The following TASP1 variants were observed in gnomAD, a reference collection of about 807,000 sequenced individuals.
TASP1 encodes threonine aspartase 1.
A neutral mutation model predicts 56.6 loss-of-function variants in TASP1; 16 were observed. That is an observed-to-expected ratio of 0.28 (90% CI 0.19 to 0.43). TASP1 has a LOEUF of 0.43. Among genes scored for constraint, TASP1 ranks in the 20% least tolerant of loss-of-function variants. TASP1 has a pLI of 1.00. For synonymous variants in TASP1, 179 were observed against 184.2 expected, an observed-to-expected ratio of 0.97 and a Z score of 0.23; for missense variants, 393 against 511.6, an observed-to-expected ratio of 0.77 and a Z score of 2.24.
chr20:13,471,750 G>A (rs951436150), intron 11 of TASP1, among the ~76,000 whole-genome samples: 9 of 152,184 alleles, frequency 5.9e-5, no homozygotes, highest in South Asian at 2.1e-4. Flanking sequence ...AGCTCCCAGC[G>A]TGATCTATGC....
intron 3 of TASP1, 146 bp downstream of exon 3, chr20:13,625,039 G>A (rs755528852): frequency 2.3e-4 from 115 of 510,616 alleles, no homozygotes; most frequent in Non-Finnish European, 3.5e-4. Flanking sequence ...AACACAAAAC[G>A]ATCCCCTACA....
In TASP1 at chr20:13,588,250, A is replaced by AAGG. The variant is rs2047381095; in HGVS notation, c.283-881_283-880insCCT. Among the ~76,000 whole-genome samples the AAGG allele has an allele frequency of 1.9e-3, 180 of 96,674 alleles. 2 individuals are homozygous for AAGG. Among genetic ancestry groups the AAGG allele is most frequent in the African/African-American group, 6.7e-3 (162 of 24,066 alleles). 63.4% of individuals were successfully genotyped at this position (96,674 alleles called of 152,430 possible). ...AAAAAGGAGAAAGAAAGAAAGGAAGAAAGGAAGGAAGGAAGGAAGGAAGGA... is the reference window on the plus strand; with the variant it reads ...AAAAAGGAGAAAGAAAGAAAGGAAGAAGGAAGGAAGGAAGGAAGGAAGGAAGGA... On this transcript the variant is annotated intron_variant, in intron 4 of 13. Transcript: ENST00000337743.
chr20:13,349,249 A>G, the TASP1 span, among the ~76,000 whole-genome samples: 1 of 152,216 alleles, frequency 6.6e-6, no homozygotes, highest in Non-Finnish European at 1.5e-5. Context: ...CCTCCGGACC[A>G]CAGAGATATC....
the TASP1 span, among the ~76,000 whole-genome samples, chr20:13,348,888 G>A: frequency 1.3e-5 from 2 of 152,160 alleles, no homozygotes; most frequent in South Asian, 2.1e-4. Context: ...CCAATCAAGC[G>A]TATCATAGAA....
chr20:13,401,959 T>C (rs902533735), intron 13 of TASP1, among the ~76,000 whole-genome samples: 12 of 152,334 alleles, frequency 7.9e-5, no homozygotes, highest in African/African-American at 2.4e-4. Context: ...TATGTGGAGA[T>C]AGAGAAATTA....
At chr20:13,205,531 C>A in the TASP1 span, among the ~76,000 whole-genome samples, 2 of 152,048 alleles carry the variant, frequency 1.3e-5, no homozygotes, top group African/African-American at 4.8e-5. Context: ...TGTGGGCCCA[C>A]TTCGTGGTTT....
rs59049150 is a variant in TASP1, at chr20:13,569,369, G to A, written c.568+138C>T. 1.8e-4 allele frequency: 106 copies of A among 576,154 alleles called. No individual in the cohort carries two copies. The East Asian group carries it at 2.7e-3, about 15-fold the overall frequency. 35.7% of individuals were successfully genotyped at this position (576,154 alleles called of 1,614,324 possible). A position where few individuals can be genotyped will look rare whatever the true frequency, so the allele number is the denominator to read the frequency against. On this transcript the variant is annotated intron_variant, in intron 7 of 13. Coordinates refer to ENST00000337743, the MANE Select transcript of TASP1 (RefSeq NM_017714.3). ...GGTTTAAAATGAAATAACTTTCTAC[G>A]TAGCTTTTAACTACAAATCTTTCAA...
At chr20:13,215,795 G>A in the TASP1 span, among the ~76,000 whole-genome samples, 1 of 152,208 alleles carries the variant, frequency 6.6e-6, no homozygotes, top group Non-Finnish European at 1.5e-5. Flanking sequence ...AGTCTTCATA[G>A]GTTTTGTGTG....
chr20:13,376,312 C>T, the TASP1 span, among the ~76,000 whole-genome samples: 1 of 152,208 alleles, frequency 6.6e-6, no homozygotes, highest in Non-Finnish European at 1.5e-5. Flanking sequence ...GTTTTCCCAA[C>T]ACCATTTATT....
At chr20:13,487,866 ATCT>A (rs1459695493) in intron 10 of TASP1, among the ~76,000 whole-genome samples, 1 of 152,156 alleles carries the variant, frequency 6.6e-6, no homozygotes, top group Non-Finnish European at 1.5e-5. Context: ...TTTCTATAAA[ATCT>A]TCTTAATGTT....
the TASP1 span, among the ~76,000 whole-genome samples, chr20:13,134,409 T>A: frequency 1.3e-5 from 2 of 152,130 alleles, no homozygotes; most frequent in Non-Finnish European, 2.9e-5. Flanking sequence ...TATGATAGAG[T>A]CACTGATGTT....
intron 1 of TASP1, among the ~76,000 whole-genome samples, chr20:13,637,501 C>T (rs2049351523): frequency 6.6e-6 from 1 of 152,142 alleles, no homozygotes; most frequent in African/African-American, 2.4e-5. Flanking sequence ...TGTCCATCGA[C>T]CGATGATGGT....
the TASP1 span, chr20:13,167,997 C>G: frequency 6.6e-6 from 1 of 152,182 alleles, no homozygotes; most frequent in Non-Finnish European, 1.5e-5. Flanking sequence ...AGTCAACCTT[C>G]TCTTCTCATT....
the TASP1 span, among the ~76,000 whole-genome samples, chr20:13,192,398 A>G: frequency 2.6e-5 from 4 of 152,140 alleles, no homozygotes; most frequent in African/African-American, 9.7e-5. Flanking sequence ...ACATTAGCCC[A>G]GTACGGTGGC....
At chr20:13,156,005 T>C in the TASP1 span, among the ~76,000 whole-genome samples, 5 of 152,114 alleles carry the variant, frequency 3.3e-5, no homozygotes, top group African/African-American at 9.7e-5. Flanking sequence ...ACAACAGTGA[T>C]TGAAAGTAGC....
chr20:13,535,638 A>G (rs2045389191), intron 8 of TASP1, among the ~76,000 whole-genome samples: 1 of 152,170 alleles, frequency 6.6e-6, no homozygotes, highest in South Asian at 2.1e-4. Flanking sequence ...TGAACTCCCT[A>G]AGGAAAGGTT....
At chr20:13,269,528 C>T in the TASP1 span, among the ~76,000 whole-genome samples, 55 of 152,324 alleles carry the variant, frequency 3.6e-4, no homozygotes, top group Admixed American at 3.1e-3. Flanking sequence ...ACAACAGCTT[C>T]GCTGGCCATT....
At chr20:13,392,658 C>A in intron 13 of TASP1, 2 of 444,470 alleles carry the variant, frequency 4.5e-6, no homozygotes, top group South Asian at 3.9e-5. Flanking sequence ...TCTTCTCATG[C>A]AGTGCTAGCC....
chr20:13,457,057 T>C (rs911079922), intron 11 of TASP1, among the ~76,000 whole-genome samples: 3 of 151,244 alleles, frequency 2.0e-5, no homozygotes, highest in African/African-American at 7.3e-5. Flanking sequence ...CACTCATAGG[T>C]GGGAACTGAA....
Sources: gnomAD v4.1 joint callset for allele counts (sites outside exome capture counted in the v4.1 genomes callset) on GRCh38, gnomAD v4.1.1 for gene constraint, MANE v1.5 for transcripts, NCBI Gene and HGNC (gene_info 2026-07-23, HGNC 2026-07-21) for gene names.